GALNTL6: variants seen among roughly 807,000 people sequenced by gnomAD.
GALNTL6 encodes the protein polypeptide N-acetylgalactosaminyltransferase like 6.
A neutral mutation model predicts 73.7 loss-of-function variants in GALNTL6; 46 were observed. The observed-to-expected ratio is 0.62, with a 90% CI of 0.49 to 0.80. The LOEUF is 0.80. GALNTL6 is among the 30% of genes least tolerant of loss of function. The probability of loss-of-function intolerance (pLI) is 0.00; values close to 1 mark genes in which losing one functional copy is unlikely to be tolerated. For missense variants in GALNTL6, 604 were observed against 755.0 expected (o/e 0.80, Z 2.34); for synonymous variants, 259 against 263.7 (o/e 0.98, Z 0.17).
At chr4:172,380,370 C>CAATG in intron 5 of GALNTL6, 1 of 683,522 alleles carries the variant, frequency 1.5e-6, no homozygotes, top group Admixed American at 1.8e-5. Flanking sequence ...CAGGGACTGG[C>CAATG]AATGACCACA....
chr4:172,811,000 A>G (rs1241692448), intron 6 of GALNTL6, among the ~76,000 whole-genome samples: 1 of 152,172 alleles, frequency 6.6e-6, no homozygotes, highest in East Asian at 1.9e-4. Context: ...AAAGAGTAAG[A>G]GAAACCCACA....
At chr4:172,709,089 A>T (rs190888441) in intron 5 of GALNTL6, among the ~76,000 whole-genome samples, 1 of 152,152 alleles carries the variant, frequency 6.6e-6, no homozygotes, top group Non-Finnish European at 1.5e-5. Flanking sequence ...GGGTGATTTC[A>T]TGCCCACATG....
chr4:172,650,391 A>G (rs1037817845), intron 5 of GALNTL6, among the ~76,000 whole-genome samples: 1 of 152,206 alleles, frequency 6.6e-6, no homozygotes, highest in African/African-American at 2.4e-5. Context: ...AAAAAGCATA[A>G]CAGAAGAGAA....
chr4:172,303,444 T>C (rs1740011981), intron 3 of GALNTL6, among the ~76,000 whole-genome samples: 2 of 152,192 alleles, frequency 1.3e-5, no homozygotes, highest in South Asian at 2.1e-4. Flanking sequence ...ACCACACTCT[T>C]GCCATACCAA....
At chr4:172,212,348 G>A (rs1330041426) in intron 2 of GALNTL6, among the ~76,000 whole-genome samples, 4 of 151,748 alleles carry the variant, frequency 2.6e-5, no homozygotes, top group Admixed American at 6.6e-5. Flanking sequence ...TTTTAGTAAA[G>A]ACGGGGTTTC....
At chr4:172,594,341 T>C (rs1029103529) in intron 5 of GALNTL6, among the ~76,000 whole-genome samples, 1 of 152,114 alleles carries the variant, frequency 6.6e-6, no homozygotes. Context: ...CGAAACTCTG[T>C]CTCAAAAAAA....
chr4:172,388,985 T>C (rs1159913176), intron 5 of GALNTL6, among the ~76,000 whole-genome samples: 1 of 152,046 alleles, frequency 6.6e-6, no homozygotes, highest in Non-Finnish European at 1.5e-5. Flanking sequence ...TTCCAATTCC[T>C]AATATTTCTA....
chr4:172,524,369 C>T (rs338050), intron 5 of GALNTL6, among the ~76,000 whole-genome samples: 118,879 of 151,996 alleles, frequency 0.78, 46,909 homozygotes, highest in East Asian at 0.99. Context: ...CTGCTTCAGC[C>T]TCCCGAGTAG....
intron 5 of GALNTL6, among the ~76,000 whole-genome samples, chr4:172,491,688 T>C (rs1282256764): frequency 6.6e-6 from 1 of 152,168 alleles, no homozygotes; most frequent in Non-Finnish European, 1.5e-5. Flanking sequence ...GTTTATCTTG[T>C]AAACACTGAA....
intron 2 of GALNTL6, among the ~76,000 whole-genome samples, chr4:171,842,518 T>G (rs908233856): frequency 2.0e-5 from 3 of 152,162 alleles, no homozygotes; most frequent in Non-Finnish European, 4.4e-5. Context: ...CTCATGGTTC[T>G]GCAGGCTGTA....
chr4:172,146,634 A>G (rs1733934569), intron 2 of GALNTL6, among the ~76,000 whole-genome samples: 1 of 152,176 alleles, frequency 6.6e-6, no homozygotes, highest in Non-Finnish European at 1.5e-5. Flanking sequence ...TTATGACAGT[A>G]TCTCCTATTA....
At chr4:172,728,088 A>G (rs1231808123) in intron 5 of GALNTL6, among the ~76,000 whole-genome samples, 2 of 151,902 alleles carry the variant, frequency 1.3e-5, no homozygotes, top group Non-Finnish European at 2.9e-5. Flanking sequence ...AATTTTTTGT[A>G]TCTTTAGTAG....
intron 2 of GALNTL6, among the ~76,000 whole-genome samples, chr4:171,911,548 G>T (rs947184776): frequency 6.6e-6 from 1 of 152,192 alleles, no homozygotes; most frequent in Non-Finnish European, 1.5e-5. Flanking sequence ...TGACGAGAAA[G>T]TCAGAAAAGC....
chr4:172,295,099 C>G (rs1739619419), intron 3 of GALNTL6, among the ~76,000 whole-genome samples: 1 of 151,976 alleles, frequency 6.6e-6, no homozygotes, highest in African/African-American at 2.4e-5. Flanking sequence ...GAGCTATCTC[C>G]AGGTACTAGG....
intron 5 of GALNTL6, among the ~76,000 whole-genome samples, chr4:172,644,501 T>C (rs2111131831): frequency 6.6e-6 from 1 of 152,110 alleles, no homozygotes; most frequent in East Asian, 1.9e-4. Flanking sequence ...CTCTCTTGTG[T>C]CTTTGAGTAT....
chr4:172,176,885 C>T (rs532446357), intron 2 of GALNTL6, among the ~76,000 whole-genome samples: 34 of 152,230 alleles, frequency 2.2e-4, no homozygotes, highest in African/African-American at 7.9e-4. Flanking sequence ...TTTTAGTAAT[C>T]TCTAAACAGC....
chr4:172,515,251 G>A (rs1175371888), intron 5 of GALNTL6, among the ~76,000 whole-genome samples: 2 of 152,214 alleles, frequency 1.3e-5, no homozygotes, highest in Non-Finnish European at 2.9e-5. Context: ...TTTCAAAAAT[G>A]GTTCATGTAG....
intron 5 of GALNTL6, among the ~76,000 whole-genome samples, chr4:172,680,793 A>G (rs1334025945): frequency 6.6e-6 from 1 of 152,214 alleles, no homozygotes; most frequent in Non-Finnish European, 1.5e-5. Flanking sequence ...GTCAAAACAG[A>G]TATTTTATGT....
intron 5 of GALNTL6, among the ~76,000 whole-genome samples, chr4:172,415,479 C>T (rs73871721): frequency 0.026 from 3,903 of 152,254 alleles, 166 homozygotes; most frequent in African/African-American, 0.088. Context: ...GGATTAAGTA[C>T]TCATGGCTTT....
Sources: gnomAD v4.1 joint callset for allele counts (sites outside exome capture counted in the v4.1 genomes callset) on GRCh38, gnomAD v4.1.1 for gene constraint, MANE v1.5 for transcripts, NCBI Gene and HGNC (gene_info 2026-07-23, HGNC 2026-07-21) for gene names.